Variants in MYRIP observed in about 807,000 individuals in gnomAD.
MYRIP encodes rab effector MyRIP.
In MYRIP, 49 loss-of-function variants were observed where a neutral mutation model predicts 98.0. The ratio of observed to expected loss-of-function variants is 0.50; its 90% CI spans 0.40 to 0.63. The LOEUF (loss-of-function observed/expected upper bound fraction) is 0.63. MYRIP is among the 30% of genes least tolerant of loss of function. MYRIP has a pLI of 0.00. For synonymous variants in MYRIP, 404 were observed against 409.5 expected (o/e 0.99, Z 0.16); for missense variants, 1,004 against 1,058.2 (o/e 0.95, Z 0.71).
chr3:40,084,171 C>T (rs1051179149), intron 3 of MYRIP, among the ~76,000 whole-genome samples: 2 of 134,936 alleles, frequency 1.5e-5, no homozygotes, highest in African/African-American at 2.7e-5. Context: ...AAAAGACATT[C>T]TCAGAAGAAG....
At chr3:39,956,403 C>T (rs1427848540) in intron 2 of MYRIP, among the ~76,000 whole-genome samples, 1 of 152,152 alleles carries the variant, frequency 6.6e-6, no homozygotes, top group Non-Finnish European at 1.5e-5. Context: ...TACATGGAAA[C>T]TGAACAACCT....
At chr3:40,153,160 T>C (rs1373837829) in intron 4 of MYRIP, among the ~76,000 whole-genome samples, 1 of 151,968 alleles carries the variant, frequency 6.6e-6, no homozygotes, top group East Asian at 1.9e-4. Flanking sequence ...TTCATAGAAA[T>C]ATGGGAATCA....
chr3:40,026,998 G>A (rs887504751), intron 2 of MYRIP, among the ~76,000 whole-genome samples: 6 of 152,040 alleles, frequency 3.9e-5, no homozygotes, highest in African/African-American at 1.2e-4. Flanking sequence ...GTGTAAAGAC[G>A]TTTATGATGA....
At chr3:39,849,354 T>G (rs1942060141) in intron 1 of MYRIP, among the ~76,000 whole-genome samples, 1 of 152,234 alleles carries the variant, frequency 6.6e-6, no homozygotes, top group South Asian at 2.1e-4. Context: ...TTCTCATTTA[T>G]TTCCGAGTCT....
rs1482953918 is a variant in MYRIP at position 40,236,486 on chromosome 3, G to A, written c.2100+2433G>A. ...CAGGAAAGCTCTTACTGTCCCTTGA[G>A]GAGTTGTGTGTTTGGTTTGGCCTAA... On this transcript the variant is annotated intron_variant, in intron 12 of 16. Coordinates refer to ENST00000302541, the MANE Select transcript of MYRIP (RefSeq NM_015460.4). Among the ~76,000 whole-genome samples the A allele has an allele frequency of 4.6e-5, 7 of 152,168 alleles. No individual in the cohort carries two copies. In the East Asian group the frequency reaches 1.3e-3, roughly 29 times the overall value.
At chr3:39,876,162 A>G (rs1280466674) in intron 1 of MYRIP, among the ~76,000 whole-genome samples, 2 of 151,916 alleles carry the variant, frequency 1.3e-5, no homozygotes, top group Non-Finnish European at 2.9e-5. Context: ...TAGCATTGCA[A>G]CCCCTGCCTT....
At chr3:39,869,546 T>A (rs1942723052) in intron 1 of MYRIP, among the ~76,000 whole-genome samples, 2 of 152,228 alleles carry the variant, frequency 1.3e-5, no homozygotes, top group Non-Finnish European at 2.9e-5. Context: ...TGCGTACTTC[T>A]CTCAAGATAA....
At chr3:39,931,260 A>G (rs1944530335) in intron 2 of MYRIP, among the ~76,000 whole-genome samples, 1 of 151,748 alleles carries the variant, frequency 6.6e-6, no homozygotes, top group African/African-American at 2.4e-5. Flanking sequence ...TTTTTTGTTA[A>G]ATTTATACTC....
intron 2 of MYRIP, among the ~76,000 whole-genome samples, chr3:39,955,768 A>G (rs1345743830): frequency 1.3e-5 from 2 of 152,122 alleles, no homozygotes; most frequent in African/African-American, 2.4e-5. Context: ...TCAGTGTGCT[A>G]TATTCAGGAA....
chr3:40,210,426 G>A (rs1951895385), intron 11 of MYRIP, among the ~76,000 whole-genome samples: 1 of 152,184 alleles, frequency 6.6e-6, no homozygotes, highest in Middle Eastern at 3.4e-3. Flanking sequence ...CTCTCCCTGA[G>A]CAGATACATC....
intron 3 of MYRIP, among the ~76,000 whole-genome samples, chr3:40,049,632 C>CAA (rs780122549): frequency 7.3e-6 from 1 of 137,706 alleles, no homozygotes. Context: ...TCTAAGTGTT[C>CAA]AAAAAAAAAA....
chr3:40,037,899 C>CA (rs1370309326), intron 2 of MYRIP, among the ~76,000 whole-genome samples: 1 of 152,086 alleles, frequency 6.6e-6, no homozygotes, highest in African/African-American at 2.4e-5. Context: ...CAGATGCTCC[C>CA]ATGACTTGTG....
At chr3:40,221,349 A>C (rs1952332230) in intron 11 of MYRIP, among the ~76,000 whole-genome samples, 1 of 152,158 alleles carries the variant, frequency 6.6e-6, no homozygotes, top group Admixed American at 6.6e-5. Flanking sequence ...GATGGTTAAA[A>C]AGAAGGATAA....
intron 9 of MYRIP, among the ~76,000 whole-genome samples, chr3:40,184,381 A>C (rs1950973829): frequency 6.6e-6 from 1 of 152,230 alleles, no homozygotes; most frequent in African/African-American, 2.4e-5. Flanking sequence ...TACAGAGTCC[A>C]TATGTAGGCA....
At chr3:39,882,811 T>C (rs1043762822) in intron 1 of MYRIP, among the ~76,000 whole-genome samples, 3 of 152,080 alleles carry the variant, frequency 2.0e-5, no homozygotes, top group South Asian at 4.1e-4. Context: ...GAATACAGGG[T>C]TGGACAATCC....
chr3:40,158,049 G>A (rs1575584147), intron 4 of MYRIP, among the ~76,000 whole-genome samples: 1 of 151,986 alleles, frequency 6.6e-6, no homozygotes, highest in Non-Finnish European at 1.5e-5. Context: ...TTTTGAATGT[G>A]TTTGCTCTTG....
chr3:39,820,924 C>T (rs902872036), intron 1 of MYRIP, among the ~76,000 whole-genome samples: 1 of 152,092 alleles, frequency 6.6e-6, no homozygotes, highest in Non-Finnish European at 1.5e-5. Flanking sequence ...TCCCACTCCC[C>T]CTGCCACCAT....
At chr3:39,922,487 C>G (rs1031556451) in intron 2 of MYRIP, among the ~76,000 whole-genome samples, 1 of 152,196 alleles carries the variant, frequency 6.6e-6, no homozygotes, top group African/African-American at 2.4e-5. Flanking sequence ...AACAAGGAAG[C>G]TCCCTCCCAG....
chr3:39,918,199 C>G (rs1378697553), intron 2 of MYRIP, among the ~76,000 whole-genome samples: 1 of 152,212 alleles, frequency 6.6e-6, no homozygotes, highest in Non-Finnish European at 1.5e-5. Context: ...CAGGCATGAG[C>G]CACCGCGCCC....
Sources: allele counts gnomAD v4.1 joint callset (sites outside exome capture counted in the v4.1 genomes callset), GRCh38; gene constraint gnomAD v4.1.1; transcripts MANE v1.5; gene names NCBI Gene and HGNC (gene_info 2026-07-23, HGNC 2026-07-21).